The following ROR2 variants were observed in gnomAD, a reference collection of about 807,000 sequenced individuals.
ROR2 encodes tyrosine-protein kinase transmembrane receptor ROR2.
Under a neutral mutation model 74.9 loss-of-function variants are expected in ROR2, and 33 were observed. The observed-to-expected ratio is 0.44, with a 90% CI of 0.33 to 0.59. ROR2 has a LOEUF of 0.59. Ranked by LOEUF, ROR2 falls within the 20% of genes least tolerant of loss-of-function variation. The probability of loss-of-function intolerance (pLI) is 0.02; values close to 1 mark genes in which losing one functional copy is unlikely to be tolerated. For synonymous variants in ROR2, 586 were observed against 558.7 expected (o/e 1.05, Z -0.69); for missense variants, 1,216 against 1,313.8 (o/e 0.93, Z 1.15).
chr9:91,725,602 A>G (rs954532475), intron 8 of ROR2, among the ~76,000 whole-genome samples: 1 of 152,182 alleles, frequency 6.6e-6, no homozygotes, highest in African/African-American at 2.4e-5. Context: ...TTTGTCACTT[A>G]TAAGAGTCCA....
intron 1 of ROR2, among the ~76,000 whole-genome samples, chr9:91,798,623 A>C (rs1247038102): frequency 9.4e-6 from 1 of 106,876 alleles, no homozygotes; most frequent in African/African-American, 4.7e-5. Flanking sequence ...GGGGAATGAC[A>C]CCCTGGGCTC....
chr9:91,836,385 C>CA (rs1419018806), intron 1 of ROR2, among the ~76,000 whole-genome samples: 1 of 152,016 alleles, frequency 6.6e-6, no homozygotes, highest in Non-Finnish European at 1.5e-5. Context: ...ACTAAAAATA[C>CA]AAAAATTAGC....
chr9:91,886,171 C>T (rs1830265358), intron 1 of ROR2, among the ~76,000 whole-genome samples: 1 of 152,092 alleles, frequency 6.6e-6, no homozygotes, highest in African/African-American at 2.4e-5. Context: ...CTACCGCCCC[C>T]GGCCATGGTT....
chr9:91,792,305 A>ATTT (rs1166828840), intron 1 of ROR2, among the ~76,000 whole-genome samples: 15 of 129,804 alleles, frequency 1.2e-4, no homozygotes, highest in Non-Finnish European at 1.8e-4. Context: ...AGTTGGTTCT[A>ATTT]TTTTTTTTTT....
At chr9:91,813,389 T>C (rs1429890416) in intron 1 of ROR2, among the ~76,000 whole-genome samples, 2 of 152,214 alleles carry the variant, frequency 1.3e-5, no homozygotes, top group African/African-American at 4.8e-5. Context: ...GGCTCATTAT[T>C]TACACTGGTT....
rs57913643 is a variant in ROR2 at position 91,787,810 on chromosome 9, GA to G, written c.98-11993del. 4.6e-3 allele frequency among the ~76,000 whole-genome samples: 587 copies of G among 128,882 alleles called. 2 individuals are homozygous for G. Among genetic ancestry groups the G allele is most frequent in the African/African-American group, 0.016 (564 of 34,536 alleles). 84.6% of individuals were successfully genotyped at this position (128,882 alleles called of 152,430 possible). The stretch of plus-strand genomic sequence containing the variant: ...TGTCACATGCACAGAATGGGGGGGA[GA>G]AAGTGGCCAACAGAAAATGTCCCTA... On this transcript the variant is annotated intron_variant, in intron 1 of 8. Coordinates refer to ENST00000375708, the MANE Select transcript of ROR2 (RefSeq NM_004560.4).
At position 91,792,746 on chromosome 9, in the gene ROR2, A is replaced by G. The variant is rs184882546; in HGVS notation, c.98-16928T>C. Among the ~76,000 whole-genome samples, 79 of 152,354 alleles carry G rather than the reference A, an allele frequency of 5.2e-4. 1 individual carries two copies. Among genetic ancestry groups the G allele is most frequent in the Admixed American group, 4.4e-3 (67 of 15,306 alleles). On this transcript the variant is annotated intron_variant, in intron 1 of 8. Transcript: ENST00000375708. ...TCAGAAATAAAAAGGACTATAAAGG[A>G]ATATTAAGAACAATTGTGTCCCAAC...
At chr9:91,845,377 C>A (rs1264318336) in intron 1 of ROR2, among the ~76,000 whole-genome samples, 1 of 152,090 alleles carries the variant, frequency 6.6e-6, no homozygotes, top group Non-Finnish European at 1.5e-5. Context: ...GTGTGGATCC[C>A]AGGCAAGAGG....
chr9:91,768,626 G>T (rs1826131763), intron 2 of ROR2, among the ~76,000 whole-genome samples: 1 of 152,236 alleles, frequency 6.6e-6, no homozygotes, highest in South Asian at 2.1e-4. Context: ...GGCGCAGGTT[G>T]TCAGAACGCT....
intron 1 of ROR2, among the ~76,000 whole-genome samples, chr9:91,806,189 G>C (rs2119079588): frequency 6.6e-6 from 1 of 152,348 alleles, no homozygotes; most frequent in South Asian, 2.1e-4. Context: ...GCATACCATA[G>C]ACCAGGCAGC....
chr9:91,831,537 A>T (rs1828465975), intron 1 of ROR2, among the ~76,000 whole-genome samples: 1 of 152,156 alleles, frequency 6.6e-6, no homozygotes, highest in African/African-American at 2.4e-5. Context: ...GCATTTTGGG[A>T]GGCCGAGGTG....
intron 1 of ROR2, among the ~76,000 whole-genome samples, chr9:91,815,505 CTG>C (rs1176943065): frequency 6.6e-6 from 1 of 152,214 alleles, no homozygotes; most frequent in Non-Finnish European, 1.5e-5. Context: ...TACAACCAGA[CTG>C]AGGCATTCAA....
chr9:91,899,072 C>G (rs1038999327), intron 1 of ROR2, among the ~76,000 whole-genome samples: 1 of 152,224 alleles, frequency 6.6e-6, no homozygotes, highest in Non-Finnish European at 1.5e-5. Context: ...GACAAACAGC[C>G]GCCAAGAGCT....
intron 1 of ROR2, among the ~76,000 whole-genome samples, chr9:91,873,978 T>G (rs1829880985): frequency 6.6e-6 from 1 of 152,128 alleles, no homozygotes; most frequent in African/African-American, 2.4e-5. Flanking sequence ...CTGTCTGGGG[T>G]CCTATTGAAT....
At chr9:91,818,340 G>C (rs1183660524) in intron 1 of ROR2, among the ~76,000 whole-genome samples, 9 of 151,608 alleles carry the variant, frequency 5.9e-5, no homozygotes, top group East Asian at 1.9e-4. Flanking sequence ...ACTTTTTTTT[G>C]CAACAGCACA....
intron 7 of ROR2, among the ~76,000 whole-genome samples, chr9:91,728,534 G>C (rs968543595): frequency 3.9e-5 from 6 of 152,152 alleles, no homozygotes; most frequent in African/African-American, 1.4e-4. Context: ...GGGTTCAAGT[G>C]ATTCTCCTGC....
intron 1 of ROR2, chr9:91,948,797 A>T (rs1372265858): frequency 1.0e-6 from 1 of 985,350 alleles, no homozygotes; most frequent in Non-Finnish European, 1.2e-6. Flanking sequence ...GCTTCAGGCG[A>T]ACCCCATAGG....
chr9:91,851,868 C>T (rs968130322), intron 1 of ROR2, among the ~76,000 whole-genome samples: 12 of 151,174 alleles, frequency 7.9e-5, no homozygotes, highest in Non-Finnish European at 1.6e-4. Flanking sequence ...CACAGCTACT[C>T]GGGAGGCTGA....
At position 91,909,823 on chromosome 9, in the gene ROR2, C is replaced by CT. The variant is rs72401656; in HGVS notation, c.97+40043dup. On this transcript the variant is annotated intron_variant, in intron 1 of 8. Coordinates refer to ENST00000375708, the MANE Select transcript of ROR2 (RefSeq NM_004560.4). Reference sequence around the variant, plus strand: ...TATAAGCATTCTGATAATCTTTATTCTTTTTTTTTTTTAGGTTTGTTTTGT... The same window carrying CT: ...TATAAGCATTCTGATAATCTTTATTCTTTTTTTTTTTTTAGGTTTGTTTTGT... Among the ~76,000 whole-genome samples, 93 of 58,726 alleles carry CT rather than the reference C, an allele frequency of 1.6e-3. 1 individual carries two copies. Among genetic ancestry groups the CT allele is most frequent in the Middle Eastern group, 0.012 (1 of 84 alleles). The allele number at this position is 58,726 out of a possible 152,430, so 38.5% of individuals were successfully genotyped here.
Sources: allele counts gnomAD v4.1 joint callset (sites outside exome capture counted in the v4.1 genomes callset), GRCh38; gene constraint gnomAD v4.1.1; transcripts MANE v1.5; gene names NCBI Gene and HGNC (gene_info 2026-07-23, HGNC 2026-07-21).